Variants in CNTNAP2 observed in about 807,000 individuals in gnomAD.
The protein encoded by CNTNAP2 is contactin-associated protein-like 2.
Under a neutral mutation model 155.2 loss-of-function variants are expected in CNTNAP2, and 98 were observed. The observed-to-expected ratio is 0.63, with a 90% confidence interval of 0.54 to 0.75. The LOEUF (loss-of-function observed/expected upper bound fraction) is 0.75, where lower values mean the gene tolerates loss of function less well. Ranked by LOEUF, CNTNAP2 falls within the 30% of genes least tolerant of loss-of-function variation. The probability of loss-of-function intolerance (pLI) is 0.00; values close to 1 mark genes in which losing one functional copy is unlikely to be tolerated. For missense variants in CNTNAP2, 1,727 were observed against 1,688.1 expected, an observed-to-expected ratio of 1.02 and a Z score of -0.40; for synonymous variants, 651 against 631.2, an observed-to-expected ratio of 1.03 and a Z score of -0.47.
intron 14 of CNTNAP2, among the ~76,000 whole-genome samples, chr7:147,937,165 G>T (rs942151111): frequency 6.6e-6 from 1 of 152,112 alleles, no homozygotes; most frequent in Non-Finnish European, 1.5e-5. Flanking sequence ...GTCAGTCTTG[G>T]CTGGGTTGTG....
At chr7:147,505,800 T>C (rs538753621) in intron 11 of CNTNAP2, among the ~76,000 whole-genome samples, 35 of 152,304 alleles carry the variant, frequency 2.3e-4, no homozygotes, top group African/African-American at 7.2e-4. Context: ...AGCTTTTTCC[T>C]GTCAGAATCA....
In CNTNAP2 at chr7:146,753,904, T is replaced by A. The variant is rs184366450; in HGVS notation, c.98-20367T>A. Among the ~76,000 whole-genome samples, 407 of 152,146 alleles carry A rather than the reference T, an allele frequency of 2.7e-3. 2 individuals are homozygous for A. The highest frequency in any genetic ancestry group is 9.3e-3 in the African/African-American group (386 of 41,574). On this transcript the variant is annotated intron_variant, in intron 1 of 23. Coordinates refer to ENST00000361727, the MANE Select transcript of CNTNAP2 (RefSeq NM_014141.6). Reference sequence around the variant, plus strand: ...ATTTGAAATCTTACTATATGAAGATTCAACCTATACGAAAATAGAAGCTTA... The same window carrying A: ...ATTTGAAATCTTACTATATGAAGATACAACCTATACGAAAATAGAAGCTTA...
intron 8 of CNTNAP2, among the ~76,000 whole-genome samples, chr7:147,246,058 C>CATATATATGGCATATATATATATAT (rs1563131977): frequency 3.4e-5 from 5 of 148,672 alleles, no homozygotes; most frequent in South Asian, 2.1e-4. Flanking sequence ...TATATATACA[C>CATATATATGGCATATATATATATAT]ATATATATGG....
At chr7:146,277,763 A>G (rs1317860842) in intron 1 of CNTNAP2, among the ~76,000 whole-genome samples, 1 of 152,176 alleles carries the variant, frequency 6.6e-6, no homozygotes, top group African/African-American at 2.4e-5. Context: ...CCAGCATGCC[A>G]ATGAACTAAT....
intron 13 of CNTNAP2, among the ~76,000 whole-genome samples, chr7:147,663,029 C>A (rs548392777): frequency 6.6e-6 from 1 of 152,136 alleles, no homozygotes; most frequent in East Asian, 1.9e-4. Flanking sequence ...GACCGAGTCT[C>A]GCTCTGTCGC....
At chr7:147,731,051 G>A (rs1296874365) in intron 13 of CNTNAP2, among the ~76,000 whole-genome samples, 1 of 152,138 alleles carries the variant, frequency 6.6e-6, no homozygotes, top group African/African-American at 2.4e-5. Context: ...AGCTAGCAGA[G>A]TTGGTTCATG....
intron 12 of CNTNAP2, among the ~76,000 whole-genome samples, chr7:147,620,285 A>G (rs962489221): frequency 2.6e-5 from 4 of 152,150 alleles, no homozygotes; most frequent in African/African-American, 9.7e-5. Context: ...AAGAACATCT[A>G]CTAGTATCAA....
intron 12 of CNTNAP2, among the ~76,000 whole-genome samples, chr7:147,590,672 G>C (rs2116843142): frequency 6.6e-6 from 1 of 152,290 alleles, no homozygotes; most frequent in African/African-American, 2.4e-5. Context: ...TGCTCTCACA[G>C]AGTTTGAACT....
chr7:146,521,272 G>A (rs1311009023), intron 1 of CNTNAP2, among the ~76,000 whole-genome samples: 1 of 151,826 alleles, frequency 6.6e-6, no homozygotes, highest in Non-Finnish European at 1.5e-5. Flanking sequence ...ATACATAAAT[G>A]AATGAATGTG....
At chr7:147,547,648 C>CA (rs747241059) in intron 11 of CNTNAP2, among the ~76,000 whole-genome samples, 43 of 152,006 alleles carry the variant, frequency 2.8e-4, no homozygotes, top group South Asian at 6.2e-4. Context: ...CACACACACA[C>CA]ACAACAACAA....
At chr7:146,805,075 G>C (rs1268684199) in intron 2 of CNTNAP2, among the ~76,000 whole-genome samples, 1 of 152,164 alleles carries the variant, frequency 6.6e-6, no homozygotes, top group East Asian at 1.9e-4. Flanking sequence ...GGGCATAGTG[G>C]CCATTGGGTT....
At chr7:146,437,635 A>G (rs1432218435) in intron 1 of CNTNAP2, among the ~76,000 whole-genome samples, 3 of 151,620 alleles carry the variant, frequency 2.0e-5, no homozygotes, top group Non-Finnish European at 4.4e-5. Context: ...TTAATCCTAT[A>G]AAATGGCAAA....
At chr7:148,290,963 G>C (rs1797178452) in intron 21 of CNTNAP2, among the ~76,000 whole-genome samples, 1 of 152,156 alleles carries the variant, frequency 6.6e-6, no homozygotes, top group Admixed American at 6.6e-5. Context: ...TACTTGAAAT[G>C]GGTTTTGTGA....
At chr7:147,365,448 ATTG>A (rs1001817852) in intron 9 of CNTNAP2, among the ~76,000 whole-genome samples, 3 of 150,274 alleles carry the variant, frequency 2.0e-5, no homozygotes, top group African/African-American at 7.3e-5. Context: ...AGTCGTTCCT[ATTG>A]TTTCTGGCTA....
chr7:146,197,315 A>G (rs1019159246), intron 1 of CNTNAP2, among the ~76,000 whole-genome samples: 1 of 152,234 alleles, frequency 6.6e-6, no homozygotes, highest in African/African-American at 2.4e-5. Context: ...TGTTTGCACA[A>G]GTTTAAAATT....
At chr7:147,571,585 T>C (rs1800293463) in intron 12 of CNTNAP2, among the ~76,000 whole-genome samples, 1 of 152,056 alleles carries the variant, frequency 6.6e-6, no homozygotes, top group African/African-American at 2.4e-5. Flanking sequence ...CAGGATTGAA[T>C]GGAATTGTAC....
chr7:147,388,471 T>C lies in CNTNAP2; in HGVS notation c.1499-7138T>C, dbSNP rs116102389. Among the ~76,000 whole-genome samples, 477 of 152,358 alleles carry C rather than the reference T, an allele frequency of 3.1e-3. 5 individuals carry two copies. The highest frequency in any genetic ancestry group is 0.011 in the African/African-American group (445 of 41,586). ...GAACCATCTGTATATTGACCAAATA[T>C]ACAATTTCATTCATACTTATTTCTG... is the stretch of plus-strand genomic sequence containing the variant. On this transcript the variant is annotated intron_variant, in intron 9 of 23. Transcript: ENST00000361727.
intron 13 of CNTNAP2, among the ~76,000 whole-genome samples, chr7:147,813,014 A>G (rs961626573): frequency 6.6e-6 from 1 of 152,212 alleles, no homozygotes; most frequent in African/African-American, 2.4e-5. Context: ...CTATGGAGCA[A>G]GGAGAATTTA....
intron 14 of CNTNAP2, among the ~76,000 whole-genome samples, chr7:147,970,965 A>G (rs1378265257): frequency 2.0e-5 from 3 of 152,228 alleles, no homozygotes; most frequent in Admixed American, 6.5e-5. Context: ...ATGTCTATAT[A>G]GAGGTCAAAG....
Sources: gnomAD v4.1 joint callset for allele counts (sites outside exome capture counted in the v4.1 genomes callset) on GRCh38, gnomAD v4.1.1 for gene constraint, MANE v1.5 for transcripts, NCBI Gene and HGNC (gene_info 2026-07-23, HGNC 2026-07-21) for gene names.